The following SLC12A1 variants were observed in gnomAD, a reference collection of about 807,000 sequenced individuals.
SLC12A1 encodes the protein Na-K-2Cl cotransporter.
In SLC12A1, 89 loss-of-function variants were observed where a neutral mutation model predicts 130.4. The observed-to-expected ratio is 0.68, with a 90% CI of 0.58 to 0.81. The LOEUF is 0.81. Ranked by LOEUF, SLC12A1 falls within the 40% of genes least tolerant of loss-of-function variation. The pLI is 0.00. For missense variants in SLC12A1, 1,310 were observed against 1,336.4 expected, an observed-to-expected ratio of 0.98 and a Z score of 0.31; for synonymous variants, 499 against 460.0, an observed-to-expected ratio of 1.08 and a Z score of -1.09.
intron 2 of SLC12A1, among the ~76,000 whole-genome samples, chr15:48,215,247 C>T (rs145961270): frequency 3.9e-4 from 59 of 152,274 alleles, no homozygotes; most frequent in African/African-American, 1.3e-3. Flanking sequence ...ATCAAGAACT[C>T]ATTGCCCTTT....
At chr15:48,285,068 T>G in intron 20 of SLC12A1, 38 bp from the exon 21 acceptor site, 1 of 1,486,172 alleles carries the variant, frequency 6.7e-7, no homozygotes, top group Non-Finnish European at 9.0e-7. Flanking sequence ...AACTTTGTAG[T>G]TCTGAGTTAA....
intron 5 of SLC12A1, chr15:48,228,199 A>G (rs2041317216): frequency 6.6e-6 from 1 of 152,258 alleles, no homozygotes. Flanking sequence ...ACCTTCAATA[A>G]GCTGCCCTAG....
At chr15:48,284,664 C>T (rs965572358) in intron 20 of SLC12A1, among the ~76,000 whole-genome samples, 7 of 152,136 alleles carry the variant, frequency 4.6e-5, no homozygotes, top group African/African-American at 9.7e-5. Flanking sequence ...TTTGGAGACA[C>T]GATCTCACTC....
At chr15:48,218,087 G>A (rs1165042152) in intron 2 of SLC12A1, 1 of 152,372 alleles carries the variant, frequency 6.6e-6, no homozygotes, top group Non-Finnish European at 1.5e-5. Flanking sequence ...TGGGATTACA[G>A]GCATGAGCCA....
chr15:48,221,096 A>C, intron 4 of SLC12A1, 100 bp downstream of exon 4: 1 of 1,134,386 alleles, frequency 8.8e-7, no homozygotes, highest in South Asian at 1.3e-5. Flanking sequence ...TGAAGGTCAC[A>C]GAAATAATTT....
At position 48,241,581 on chromosome 15, in the gene SLC12A1, G is replaced by T. The variant is rs559716600; in HGVS notation, c.1282G>T (p.Gly428Trp). 1.9e-6 allele frequency: 3 copies of T among 1,613,594 alleles called. No homozygotes were observed. Among genetic ancestry groups the T allele is most frequent in the African/African-American group, 2.7e-5 (2 of 75,012 alleles). ...TTTCATCACCACTGTTGCCTACTTA[G>T]GGGTTGCAATTTGTGTAGGTAAGTG... ...AIFITTVAYL[G>W]VAICVGACVV... is the part of the protein sequence containing the mutation. The change falls in exon 10 of 27, where the codon GGG (glycine) becomes TGG (tryptophan). Residue 428 changes from glycine (G) to tryptophan (W), a missense_variant. By Grantham distance (184) the Gly-to-Trp change is radical. Transcript: ENST00000380993.
chr15:48,226,160 A>G, intron 4 of SLC12A1: 1 of 251,964 alleles, frequency 4.0e-6, no homozygotes, highest in Non-Finnish European at 7.4e-6. Context: ...GCAAGAAAGA[A>G]GGTCAAATGT....
chr15:48,266,461 A>C (rs772424373), intron 17 of SLC12A1, among the ~76,000 whole-genome samples: 19 of 121,262 alleles, frequency 1.6e-4, no homozygotes, highest in Non-Finnish European at 3.1e-4. Flanking sequence ...TTTTTTTTTC[A>C]TGCATCCCAA....
chr15:48,299,319 G>A (rs1378885874), intron 25 of SLC12A1, 44 bp downstream of exon 25: 2 of 1,490,498 alleles, frequency 1.3e-6, no homozygotes, highest in South Asian at 2.8e-5. Context: ...CTAACTAGCT[G>A]AGAAAGGAAA....
chr15:48,291,699 T>C, intron 23 of SLC12A1, 79 bp from the exon 24 acceptor site: 4 of 871,516 alleles, frequency 4.6e-6, no homozygotes, highest in South Asian at 1.5e-5. Context: ...GCTTTTGATA[T>C]CTTAACTCAA....
chr15:48,301,507 G>GGGGGGT, intron 26 of SLC12A1, 125 bp downstream of exon 26: 1 of 534,738 alleles, frequency 1.9e-6, no homozygotes. Context: ...TTTTTTGGGG[G>GGGGGGT]GGGGAACACG....
intron 19 of SLC12A1, 54 bp from the exon 20 acceptor site, chr15:48,274,517 C>A: frequency 8.7e-7 from 1 of 1,155,408 alleles, no homozygotes; most frequent in Non-Finnish European, 1.3e-6. Flanking sequence ...TAGTCCAAAG[C>A]TTGAGGATTA....
At chr15:48,222,289 T>C (rs968647418) in intron 4 of SLC12A1, 1 of 152,134 alleles carries the variant, frequency 6.6e-6, no homozygotes, top group Non-Finnish European at 1.5e-5. Flanking sequence ...CAAGAGTAAT[T>C]CTTTTTAACG....
rs377680472 is a variant in SLC12A1 at position 48,227,118 on chromosome 15, C to T, written c.724+547C>T. ...ATCATTGGCCTAAGTGTGGTAGTAACGACACTCACAGGTATTTCTATGTCT... is the reference window on the plus strand; with the variant it reads ...ATCATTGGCCTAAGTGTGGTAGTAATGACACTCACAGGTATTTCTATGTCT... On this transcript the variant is annotated intron_variant, in intron 5 of 26. Coordinates refer to ENST00000380993, the MANE Select transcript of SLC12A1 (RefSeq NM_000338.3). 212 of 1,552,114 alleles carry T rather than the reference C, an allele frequency of 1.4e-4. No individual in the cohort carries two copies. The highest frequency in any genetic ancestry group is 5.5e-4 in the South Asian group (46 of 84,050).
At chr15:48,301,900 T>C (rs1566862746) in intron 26 of SLC12A1, among the ~76,000 whole-genome samples, 1 of 152,202 alleles carries the variant, frequency 6.6e-6, no homozygotes, top group African/African-American at 2.4e-5. Context: ...TGTATGTTTG[T>C]TTACTTAAAG....
At chr15:48,208,689 T>C (rs1032394654) in intron 2 of SLC12A1, among the ~76,000 whole-genome samples, 1 of 152,210 alleles carries the variant, frequency 6.6e-6, no homozygotes, top group Admixed American at 6.5e-5. Context: ...GTACCTTGTA[T>C]ATGATTATAG....
intron 20 of SLC12A1, among the ~76,000 whole-genome samples, chr15:48,279,529 C>T (rs1355867638): frequency 6.6e-6 from 1 of 152,110 alleles, no homozygotes; most frequent in Non-Finnish European, 1.5e-5. Flanking sequence ...AAGATCGATG[C>T]TCATAACATT....
Position 48,269,741 on chromosome 15 carries a change from T to C in SLC12A1, c.2379T>C (p.Ile793=), listed in dbSNP as rs1320797671. ...KNWRKAPLTE[I]ENYVGIIHDA... ...GGAGGAAAGCTCCCTTGACAGAGAT[T>C]GAGAACTACGTGGGAATCATACAGT... Residue 793 remains isoleucine, a synonymous_variant, in exon 19 of 27, where the codon ATT becomes ATC. Coordinates refer to ENST00000380993, the MANE Select transcript of SLC12A1 (RefSeq NM_000338.3). 6 of 1,603,690 alleles carry C rather than the reference T, an allele frequency of 3.7e-6. No individual in the cohort carries two copies. The highest frequency in any genetic ancestry group is 5.1e-6 in the Non-Finnish European group (6 of 1,170,862).
At position 48,249,573 on chromosome 15, in the gene SLC12A1, A is replaced by G. The variant is rs1465842300; in HGVS notation, c.1685-2A>G. On this transcript the variant is annotated splice_acceptor_variant, in intron 13 of 26. Coordinates refer to ENST00000380993, the MANE Select transcript of SLC12A1 (RefSeq NM_000338.3). LOFTEE classifies it high-confidence loss of function. ...ACATGTTCAATTCTGTTACTTTTAC[A>G]GCGGAACTGAACACCATTGCTCCCA... 6 of 1,612,006 alleles carry G rather than the reference A, an allele frequency of 3.7e-6. No homozygotes were observed. The East Asian group carries it at 6.7e-5, about 18-fold the overall frequency.
Sources: gnomAD v4.1 joint callset for allele counts (sites outside exome capture counted in the v4.1 genomes callset) on GRCh38, gnomAD v4.1.1 for gene constraint, MANE v1.5 for transcripts, NCBI Gene and HGNC (gene_info 2026-07-23, HGNC 2026-07-21) for gene names.